Variants in KDM2B observed in about 807,000 individuals in gnomAD.
KDM2B encodes the protein lysine-specific demethylase 2B.
In KDM2B, 26 loss-of-function variants were observed where a neutral mutation model predicts 150.0. That is an observed-to-expected ratio of 0.17 (90% CI 0.13 to 0.24). KDM2B has a LOEUF of 0.24. KDM2B is among the 10% of genes least tolerant of loss of function. The pLI is 1.00. For synonymous variants in KDM2B, 734 were observed against 729.5 expected (o/e 1.01, Z -0.10); for missense variants, 1,265 against 1,816.9 (o/e 0.70, Z 5.52).
chr12:121,581,504 T>C (rs1470237111), upstream of KDM2B, among the ~76,000 whole-genome samples: 3 of 152,206 alleles, frequency 2.0e-5, no homozygotes, highest in Non-Finnish European at 4.4e-5. Flanking sequence ...AACAGTCAGG[T>C]CGACTTGGCT....
intron 9 of KDM2B, among the ~76,000 whole-genome samples, chr12:121,517,440 C>T (rs2141100965): frequency 6.6e-6 from 1 of 151,424 alleles, no homozygotes; most frequent in South Asian, 2.1e-4. Flanking sequence ...GGGTCCCCAC[C>T]TTGGGCCACA....
the KDM2B span, among the ~76,000 whole-genome samples, chr12:121,421,742 A>G: frequency 2.6e-5 from 4 of 152,202 alleles, no homozygotes; most frequent in Non-Finnish European, 4.4e-5. Context: ...GGGTCTCACT[A>G]TGTTGCCCAG....
chr12:121,412,822 T>G, the KDM2B span, among the ~76,000 whole-genome samples: 1 of 150,882 alleles, frequency 6.6e-6, no homozygotes, highest in East Asian at 1.9e-4. Flanking sequence ...CCTCCTGGGT[T>G]CAAGTAATTC....
Position 121,458,849 on chromosome 12 carries a change from A to G in KDM2B, c.1735-5505T>C, listed in dbSNP as rs147345762. Among the ~76,000 whole-genome samples the G allele has an allele frequency of 5.6e-3, 847 of 152,126 alleles. 16 individuals carry two copies. The highest frequency in any genetic ancestry group is 0.019 in the African/African-American group (792 of 41,476). ...ACTCCTGTAATCCCAGCACTTTGGGAGGCCAAGGTGGGCAGATCACAAGAT... is the reference window on the plus strand; with the variant it reads ...ACTCCTGTAATCCCAGCACTTTGGGGGGCCAAGGTGGGCAGATCACAAGAT... On this transcript the variant is annotated intron_variant, in intron 12 of 22. Transcript: ENST00000377071.
rs1872847621 is a variant in KDM2B at position 121,430,653 on chromosome 12, A to AC, written c.3830-185dup. The AC allele has an allele frequency of 1.7e-6, 1 of 601,096 alleles. No individual in the cohort carries two copies. Among genetic ancestry groups the AC allele is most frequent in the Non-Finnish European group, 3.0e-6 (1 of 337,956 alleles). 37.2% of individuals were successfully genotyped at this position (601,096 alleles called of 1,614,324 possible). A position where few individuals can be genotyped will look rare whatever the true frequency, so the allele number is the denominator to read the frequency against. ...TCTTCTTCAAACGGGGAAGGGTCTC[A>AC]CCCGCCAGGTATAAAGGTTAATATA... is the stretch of plus-strand genomic sequence containing the variant. On this transcript the variant is annotated intron_variant, in intron 22 of 22. Coordinates refer to ENST00000377071, the MANE Select transcript of KDM2B (RefSeq NM_032590.5). This position sits in a 1 kb window ranked among gnomAD's most constrained non-coding sequence, Gnocchi z 4.4.
chr12:121,555,696 A>C (rs1239015890), intron 4 of KDM2B, among the ~76,000 whole-genome samples: 1 of 152,192 alleles, frequency 6.6e-6, no homozygotes, highest in Admixed American at 6.6e-5. Flanking sequence ...AAGAATATAA[A>C]TAAGTAAGTG....
rs1880268021 is a variant in KDM2B at position 121,467,728 on chromosome 12, G to A, written c.1735-14384C>T. On this transcript the variant is annotated intron_variant, in intron 12 of 22. Coordinates refer to ENST00000377071, the MANE Select transcript of KDM2B (RefSeq NM_032590.5). This position sits in a 1 kb window ranked among gnomAD's most constrained non-coding sequence, Gnocchi z 5.1. ...TGGGGTCCTTTGTGTGGTCCCGTGG[G>A]GCGTCTCGCGGAAGCCCGGGGGCGC... 6.6e-6 allele frequency: 1 copy of A among 152,116 alleles called. No individual in the cohort carries two copies. Among genetic ancestry groups the A allele is most frequent in the Non-Finnish European group, 1.5e-5 (1 of 68,056 alleles). 9.4% of individuals were successfully genotyped at this position (152,116 alleles called of 1,614,324 possible).
At chr12:121,516,396 TTTTA>T (rs1473352414) in intron 9 of KDM2B, 23 of 969,730 alleles carry the variant, frequency 2.4e-5, no homozygotes, top group South Asian at 7.3e-5. Context: ...GAATTCAAAT[TTTTA>T]TTTATTTATT....
chr12:121,532,691 G>T (rs1887765749), intron 8 of KDM2B, 115 bp downstream of exon 8: 1 of 1,080,994 alleles, frequency 9.3e-7, no homozygotes, highest in Non-Finnish European at 1.4e-6. Context: ...TCCCCTCGGG[G>T]ACTGCCAATG....
chr12:121,551,119 T>A (rs114977347), intron 4 of KDM2B, among the ~76,000 whole-genome samples: 3,009 of 152,238 alleles, frequency 0.02, 92 homozygotes, highest in African/African-American at 0.069. Flanking sequence ...TCATGGAACT[T>A]AGATGTTGAT....
At chr12:121,482,536 G>A (rs547577676) in intron 12 of KDM2B, among the ~76,000 whole-genome samples, 20 of 152,044 alleles carry the variant, frequency 1.3e-4, no homozygotes, top group Non-Finnish European at 2.5e-4. Context: ...TCCGGACCTC[G>A]TGATCCACTC....
At chr12:121,574,683 G>C in intron 3 of KDM2B, 90 bp from the exon 4 acceptor site, 1 of 1,182,266 alleles carries the variant, frequency 8.5e-7, no homozygotes. Flanking sequence ...ATTTTTCCAA[G>C]AGAGATCCTT....
intron 6 of KDM2B, among the ~76,000 whole-genome samples, chr12:121,547,891 TCAGCCTCC>T (rs1889194304): frequency 6.6e-6 from 1 of 152,038 alleles, no homozygotes; most frequent in African/African-American, 2.4e-5. Flanking sequence ...TCTGCCCGCC[TCAGCCTCC>T]CAAAGTGCTG....
At chr12:121,418,043 C>G in the KDM2B span, 1 of 955,408 alleles carries the variant, frequency 1.0e-6, no homozygotes, top group Non-Finnish European at 1.6e-6. Flanking sequence ...CCACACCCAG[C>G]TGAACTCTGC....
intron 1 of KDM2B, chr12:121,580,461 T>C: frequency 8.6e-7 from 1 of 1,166,398 alleles, no homozygotes; most frequent in South Asian, 2.7e-5. Context: ...TGTTGTTGGG[T>C]CACGAGTGCG....
chr12:121,442,255 G>T lies in KDM2B; in HGVS notation c.3186C>A (p.Ala1062=). Reference sequence around the variant, plus strand: ...TCCACACCTCCCTGTGCATGACGTGGGCTGCCCCATCGTCCAGGGGTAGCG... The same window carrying T: ...TCCACACCTCCCTGTGCATGACGTGTGCTGCCCCATCGTCCAGGGGTAGCG... ...PDSLPLDDGA[A]HVMHREVWMA... The change falls in exon 19 of 23, where the codon GCC becomes GCA. Residue 1062 remains alanine, a synonymous_variant. Transcript: ENST00000377071. This position sits in a 1 kb window ranked among gnomAD's most constrained non-coding sequence, Gnocchi z 7.7. 1 of 1,613,172 alleles carries T rather than the reference G, an allele frequency of 6.2e-7. No individual in the cohort carries two copies. Among genetic ancestry groups the T allele is most frequent in the Non-Finnish European group, 8.5e-7 (1 of 1,179,778 alleles).
the KDM2B span, chr12:121,423,890 GTTCTC>G: frequency 3.7e-6 from 1 of 273,198 alleles, no homozygotes; most frequent in Non-Finnish European, 7.0e-6. The surrounding 1 kb of genome is among the most constrained non-coding windows in gnomAD (Gnocchi z 4.3). Flanking sequence ...CACTTATCCT[GTTCTC>G]TTATTTCCCC....
Position 121,494,681 on chromosome 12 carries a change from G to A in KDM2B, c.1648-16C>T, listed in dbSNP as rs375221917. On this transcript the variant is annotated splice_polypyrimidine_tract_variant and intron_variant, in intron 11 of 22. Transcript: ENST00000377071. Reference sequence around the variant, plus strand: ...TCAGGACGTTCTGTGGCCAAACAAAGCATCCATATTAGCCCAGGGGGAAGG... The same window carrying A: ...TCAGGACGTTCTGTGGCCAAACAAAACATCCATATTAGCCCAGGGGGAAGG... 2.1e-5 allele frequency: 34 copies of A among 1,601,044 alleles called. No homozygotes were observed. Among genetic ancestry groups the A allele is most frequent in the Non-Finnish European group, 2.6e-5 (31 of 1,172,254 alleles).
At chr12:121,566,458 C>A (rs1555314941) in intron 4 of KDM2B, among the ~76,000 whole-genome samples, 1 of 152,038 alleles carries the variant, frequency 6.6e-6, no homozygotes, top group Non-Finnish European at 1.5e-5. Context: ...CCTGTCTCTA[C>A]TAAAAATATA....
Sources: allele counts gnomAD v4.1 joint callset (sites outside exome capture counted in the v4.1 genomes callset), GRCh38; gene constraint gnomAD v4.1.1; non-coding constraint Gnocchi (gnomAD v3.1); transcripts MANE v1.5; gene names NCBI Gene and HGNC (gene_info 2026-07-23, HGNC 2026-07-21).